Variants in PRMT3 observed in about 807,000 individuals in gnomAD.
The protein encoded by PRMT3 is protein arginine methyltransferase 3.
In PRMT3, 62 loss-of-function variants were observed where a neutral mutation model predicts 71.9. The observed-to-expected ratio is 0.86, with a 90% CI of 0.70 to 1.07. The LOEUF is 1.07. Ranked by LOEUF, PRMT3 falls within the 50% of genes least tolerant of loss-of-function variation. PRMT3 has a pLI of 0.00. For synonymous variants in PRMT3, 213 were observed against 220.4 expected, an observed-to-expected ratio of 0.97 and a Z score of 0.30; for missense variants, 663 against 643.0, an observed-to-expected ratio of 1.03 and a Z score of -0.34.
At chr11:20,484,173 G>T (rs568641874) in intron 13 of PRMT3, among the ~76,000 whole-genome samples, 1 of 152,146 alleles carries the variant, frequency 6.6e-6, no homozygotes, top group Non-Finnish European at 1.5e-5. Flanking sequence ...ATGCAGAGGC[G>T]AACAAAGAAA....
At chr11:20,398,012 T>TA (rs11424785) in intron 7 of PRMT3, among the ~76,000 whole-genome samples, 99,098 of 121,610 alleles carry the variant, frequency 0.81, 41,117 homozygotes, top group Non-Finnish European at 0.91. Context: ...TGTCTCTATT[T>TA]AAAAAAAAAA....
intron 9 of PRMT3, among the ~76,000 whole-genome samples, chr11:20,419,659 G>C (rs754414315): frequency 6.6e-6 from 1 of 152,066 alleles, no homozygotes; most frequent in Non-Finnish European, 1.5e-5. Flanking sequence ...ATGAAGTGGT[G>C]GTCCAGTTTT....
intron 10 of PRMT3, among the ~76,000 whole-genome samples, chr11:20,447,272 C>T (rs1850051889): frequency 6.6e-6 from 1 of 151,880 alleles, no homozygotes. Flanking sequence ...GACAGTTTCA[C>T]ACTCCTGGGA....
chr11:20,416,196 T>C (rs981580228), intron 9 of PRMT3, among the ~76,000 whole-genome samples: 1 of 152,178 alleles, frequency 6.6e-6, no homozygotes, highest in Non-Finnish European at 1.5e-5. Flanking sequence ...TTCTCTGTAG[T>C]GCAGCCAGAC....
intron 9 of PRMT3, among the ~76,000 whole-genome samples, chr11:20,413,868 G>T (rs1318479460): frequency 1.3e-5 from 2 of 151,948 alleles, no homozygotes; most frequent in Non-Finnish European, 2.9e-5. Context: ...CAGCTCTTCT[G>T]GTTAACAGGC....
At chr11:20,455,109 A>T (rs745789901) in intron 11 of PRMT3, among the ~76,000 whole-genome samples, 1 of 152,162 alleles carries the variant, frequency 6.6e-6, no homozygotes, top group African/African-American at 2.4e-5. Context: ...CCAACAAGAG[A>T]TGAGGAGGAA....
chr11:20,439,826 T>C (rs1224768571), intron 10 of PRMT3, among the ~76,000 whole-genome samples: 1 of 152,200 alleles, frequency 6.6e-6, no homozygotes, highest in Non-Finnish European at 1.5e-5. Context: ...AAGCAGCCTG[T>C]ATACTCTTAT....
At chr11:20,433,759 T>C (rs1370698441) in intron 10 of PRMT3, among the ~76,000 whole-genome samples, 1 of 152,144 alleles carries the variant, frequency 6.6e-6, no homozygotes, top group Admixed American at 6.5e-5. Flanking sequence ...TAGCTGGGAC[T>C]ACAGACATGT....
chr11:20,469,523 C>T (rs1376170478), intron 13 of PRMT3, among the ~76,000 whole-genome samples: 1 of 152,156 alleles, frequency 6.6e-6, no homozygotes, highest in Admixed American at 6.5e-5. Context: ...TATCAGATTA[C>T]ATGCTCACAC....
At chr11:20,497,529 T>C (rs887681256) in intron 15 of PRMT3, among the ~76,000 whole-genome samples, 5 of 152,102 alleles carry the variant, frequency 3.3e-5, no homozygotes, top group Admixed American at 3.3e-4. Flanking sequence ...GTTAACACTT[T>C]TTGTTGTTCT....
intron 10 of PRMT3, among the ~76,000 whole-genome samples, chr11:20,445,880 A>G (rs974197272): frequency 1.3e-5 from 2 of 152,152 alleles, no homozygotes; most frequent in African/African-American, 4.8e-5. Flanking sequence ...TCATGTTCAT[A>G]ACATTCATTT....
At chr11:20,394,781 G>A (rs1848789773) in intron 5 of PRMT3, among the ~76,000 whole-genome samples, 1 of 152,054 alleles carries the variant, frequency 6.6e-6, no homozygotes, top group African/African-American at 2.4e-5. Flanking sequence ...CTGCTGCTGT[G>A]AGTTTTTTTT....
In PRMT3 at chr11:20,388,158, C is replaced by T; in HGVS notation, c.164+4C>T. On this transcript the variant is annotated splice_donor_region_variant and intron_variant, in intron 2 of 15. Coordinates refer to ENST00000331079, the MANE Select transcript of PRMT3 (RefSeq NM_005788.4). ...CCCCCTGCCTGTTCTGTAACAGGTT[C>T]GTCCGCCTCAGCGCCTGGCCTCTGC... 1 of 1,613,838 alleles carries T rather than the reference C, an allele frequency of 6.2e-7. No individual in the cohort carries two copies. Among genetic ancestry groups the T allele is most frequent in the African/African-American group, 1.3e-5 (1 of 75,058 alleles).
intron 13 of PRMT3, among the ~76,000 whole-genome samples, chr11:20,485,422 G>C (rs1462501489): frequency 6.6e-6 from 1 of 152,108 alleles, no homozygotes; most frequent in African/African-American, 2.4e-5. Context: ...ATTAGTTATA[G>C]CAGACATAGG....
chr11:20,464,151 ATTTAT>A (rs1387454168), intron 12 of PRMT3, among the ~76,000 whole-genome samples: 5 of 152,178 alleles, frequency 3.3e-5, no homozygotes, highest in South Asian at 4.1e-4. Flanking sequence ...ATTTGAAAGT[ATTTAT>A]TTTAGTGTGT....
intron 9 of PRMT3, among the ~76,000 whole-genome samples, chr11:20,412,574 T>C (rs1329813896): frequency 6.6e-6 from 1 of 152,136 alleles, no homozygotes; most frequent in African/African-American, 2.4e-5. Context: ...CCTTTTTTGT[T>C]TTGTTTTTGT....
chr11:20,413,164 T>C (rs1849231567), intron 9 of PRMT3, among the ~76,000 whole-genome samples: 1 of 152,218 alleles, frequency 6.6e-6, no homozygotes. Context: ...TTTTTTATAT[T>C]GTGAAAAGGT....
chr11:20,392,643 G>A (rs898307470), intron 4 of PRMT3, among the ~76,000 whole-genome samples: 1 of 74,764 alleles, frequency 1.3e-5, no homozygotes, highest in Non-Finnish European at 2.8e-5. Context: ...TTTTTGTCCT[G>A]TTTAAATGAA....
At chr11:20,390,902 T>C (rs1050930745) in intron 3 of PRMT3, among the ~76,000 whole-genome samples, 1 of 152,000 alleles carries the variant, frequency 6.6e-6, no homozygotes, top group African/African-American at 2.4e-5. Context: ...TACAAAAAAT[T>C]AGTCGGGCAT....
Sources: allele counts gnomAD v4.1 joint callset (sites outside exome capture counted in the v4.1 genomes callset), GRCh38; gene constraint gnomAD v4.1.1; transcripts MANE v1.5; gene names NCBI Gene and HGNC (gene_info 2026-07-23, HGNC 2026-07-21).